OPTN: variants seen among roughly 807,000 people sequenced by gnomAD.
OPTN encodes optineurin, also known as E3-14.7K-interacting protein.
A neutral mutation model predicts 70.4 loss-of-function variants in OPTN; 54 were observed. The observed-to-expected ratio is 0.77, with a 90% CI of 0.62 to 0.96. OPTN has a LOEUF of 0.96. Among genes scored for constraint, OPTN ranks in the 40% least tolerant of loss-of-function variants. The probability of loss-of-function intolerance (pLI) is 0.00; values close to 1 mark genes in which losing one functional copy is unlikely to be tolerated. For missense variants in OPTN, 624 were observed against 673.2 expected, an observed-to-expected ratio of 0.93 and a Z score of 0.81; for synonymous variants, 256 against 248.5, an observed-to-expected ratio of 1.03 and a Z score of -0.28.
intron 2 of OPTN, 75 bp from the exon 3 acceptor site, chr10:13,109,037 T>C (rs1588433134): frequency 7.4e-7 from 1 of 1,346,678 alleles, no homozygotes; most frequent in South Asian, 1.2e-5. Flanking sequence ...CAATCGCCAA[T>C]GGGTTTGTGG....
At chr10:13,110,585 G>A in intron 4 of OPTN, 109 bp downstream of exon 4, 1 of 1,148,490 alleles carries the variant, frequency 8.7e-7, no homozygotes, top group Non-Finnish European at 1.3e-6. Flanking sequence ...GGTTCAGTCT[G>A]GATTGGTGTT....
At chr10:13,122,835 C>G in intron 8 of OPTN, 2 of 310,666 alleles carry the variant, frequency 6.4e-6, no homozygotes, top group South Asian at 6.2e-5. Flanking sequence ...CGTCACCACG[C>G]CTGGCTAATT....
intron 3 of OPTN, 119 bp downstream of exon 3, chr10:13,109,407 TG>T: frequency 2.0e-6 from 2 of 1,016,052 alleles, no homozygotes; most frequent in South Asian, 1.4e-5. Flanking sequence ...TGGTAGCTGG[TG>T]GGGAAGCACA....
intron 1 of OPTN, among the ~76,000 whole-genome samples, chr10:13,101,302 C>T (rs1424697261): frequency 6.6e-6 from 1 of 152,190 alleles, no homozygotes; most frequent in Non-Finnish European, 1.5e-5. Flanking sequence ...TTATATATTA[C>T]GTACAACACA....
chr10:13,125,823 G>C (rs764722228), intron 10 of OPTN, 123 bp from the exon 11 acceptor site: 1 of 810,186 alleles, frequency 1.2e-6, no homozygotes, highest in Non-Finnish European at 2.1e-6. Flanking sequence ...CTAGTAGGTC[G>C]TGGGGTGATA....
chr10:13,115,203 CTATATTTATATA>C (rs1198912368), intron 5 of OPTN, among the ~76,000 whole-genome samples: 4 of 23,056 alleles, frequency 1.7e-4, no homozygotes, highest in Non-Finnish European at 2.3e-4. Flanking sequence ...ATAGATATAT[CTATATTTATATA>C]TATATTTATA....
intron 12 of OPTN, among the ~76,000 whole-genome samples, chr10:13,129,127 C>A (rs1833536593): frequency 6.6e-6 from 1 of 152,028 alleles, no homozygotes; most frequent in Admixed American, 6.6e-5. Flanking sequence ...TTGAAATTGG[C>A]TTTTGTCTAT....
Position 13,100,241 on chromosome 10 carries a change from C to A in OPTN, c.-225C>A. 6.5e-6 allele frequency: 1 copy of A among 153,640 alleles called. No homozygotes were observed. The highest frequency in any genetic ancestry group is 1.9e-4 in the South Asian group (1 of 5,284). 9.5% of individuals were successfully genotyped at this position (153,640 alleles called of 1,614,324 possible). A position where few individuals can be genotyped will look rare whatever the true frequency, so the allele number is the denominator to read the frequency against. ...CAGCGTCCCATCCCGGTCGGGAGTT[C>A]TCTCCAGGCGGCACGATGCCGAGGA... On this transcript the variant is annotated 5_prime_UTR_variant, in exon 1 of 15. Transcript: ENST00000378747.
chr10:13,105,908 G>GAA (rs775612836), intron 1 of OPTN, among the ~76,000 whole-genome samples: 6 of 133,914 alleles, frequency 4.5e-5, no homozygotes, highest in African/African-American at 1.6e-4. Context: ...GACTCTGTCT[G>GAA]AAAAAAAAAA....
intron 2 of OPTN, 119 bp from the exon 3 acceptor site, chr10:13,108,993 A>G: frequency 1.1e-6 from 1 of 870,086 alleles, no homozygotes; most frequent in Non-Finnish European, 1.9e-6. Context: ...ATGTAACTGG[A>G]GAGAAAGTGG....
intron 12 of OPTN, among the ~76,000 whole-genome samples, chr10:13,130,883 T>C (rs1833580908): frequency 6.6e-6 from 1 of 152,158 alleles, no homozygotes; most frequent in African/African-American, 2.4e-5. Flanking sequence ...TTTTGTTATT[T>C]ATAATTTTTT....
intron 5 of OPTN, among the ~76,000 whole-genome samples, chr10:13,115,187 ATATT>A (rs1286009386): frequency 9.6e-5 from 8 of 82,906 alleles, no homozygotes; most frequent in Non-Finnish European, 1.5e-4. Context: ...TTTTATATAT[ATATT>A]TATAGATATA....
At chr10:13,107,115 CT>C (rs1485116014) in intron 1 of OPTN, among the ~76,000 whole-genome samples, 21 of 152,218 alleles carry the variant, frequency 1.4e-4, no homozygotes, top group African/African-American at 4.3e-4. Context: ...TGGCTTATGC[CT>C]GTAATCCCAG....
chr10:13,104,267 T>C (rs1385734230), intron 1 of OPTN, among the ~76,000 whole-genome samples: 1 of 137,752 alleles, frequency 7.3e-6, no homozygotes, highest in East Asian at 2.1e-4. Context: ...TTTTTTTTTT[T>C]TTTTTTTTGT....
At chr10:13,110,071 G>T in intron 3 of OPTN, 1 of 812,806 alleles carries the variant, frequency 1.2e-6, no homozygotes, top group Non-Finnish European at 1.9e-6. Context: ...GGATTTTTAA[G>T]GACTAGAAAT....
In OPTN at chr10:13,136,854, T is replaced by C. The variant is rs1470603982; in HGVS notation, c.1722T>C (p.Asp574=). Residue 574 remains aspartate, a synonymous_variant, in exon 15 of 15, where the codon GAT becomes GAC. Transcript: ENST00000378747. ...ACACGTTACAGATTCACGTGATGGA[T>C]TGCATCATTTAAGTGTTGATGTATC... The part of the protein sequence containing the change: ...DIDTLQIHVM[D]CII The C allele has an allele frequency of 4.3e-6, 7 of 1,614,084 alleles. No homozygotes were observed. The highest frequency in any genetic ancestry group is 2.7e-5 in the African/African-American group (2 of 74,938).
intron 5 of OPTN, among the ~76,000 whole-genome samples, chr10:13,114,662 G>C (rs941134880): frequency 2.1e-5 from 3 of 144,566 alleles, no homozygotes; most frequent in Non-Finnish European, 3.0e-5. Flanking sequence ...ATGTATCTAT[G>C]TTTTTTATAA....
intron 3 of OPTN, 47 bp downstream of exon 3, chr10:13,109,335 A>T: frequency 6.3e-7 from 1 of 1,598,260 alleles, no homozygotes; most frequent in Non-Finnish European, 8.6e-7. Context: ...TGGGCCTGCA[A>T]GAAATGCCAT....
At chr10:13,123,667 A>G (rs1200483083) in intron 8 of OPTN, among the ~76,000 whole-genome samples, 1 of 152,188 alleles carries the variant, frequency 6.6e-6, no homozygotes, top group Non-Finnish European at 1.5e-5. Flanking sequence ...GATAGATAGG[A>G]CTGTGCTTTG....
Sources: gnomAD v4.1 joint callset for allele counts (sites outside exome capture counted in the v4.1 genomes callset) on GRCh38, gnomAD v4.1.1 for gene constraint, MANE v1.5 for transcripts, NCBI Gene and HGNC (gene_info 2026-07-23, HGNC 2026-07-21) for gene names.